MEP1A: variants seen among roughly 807,000 people sequenced by gnomAD.
MEP1A encodes N-benzoyl-L-tyrosyl-P-amino-benzoic acid hydrolase subunit alpha.
In MEP1A, 68 loss-of-function variants were observed where a neutral mutation model predicts 84.5. The observed-to-expected ratio is 0.80, with a 90% CI of 0.66 to 0.98. The LOEUF (loss-of-function observed/expected upper bound fraction) is 0.98, where lower values mean the gene tolerates loss of function less well. Among genes scored for constraint, MEP1A ranks in the 50% least tolerant of loss-of-function variants. The pLI, the probability that MEP1A is intolerant of heterozygous loss-of-function variation, is 0.00. For synonymous variants in MEP1A, 337 were observed against 336.8 expected, an observed-to-expected ratio of 1.00 and a Z score of -0.01; for missense variants, 887 against 919.9, an observed-to-expected ratio of 0.96 and a Z score of 0.46.
At position 46,839,080 on chromosome 6, in the gene MEP1A, G is replaced by T. The variant is rs773914095; in HGVS notation, c.2185G>T (p.Val729Leu). 5 of 1,613,508 alleles carry T rather than the reference G, an allele frequency of 3.1e-6. No individual in the cohort carries two copies. The Admixed American group carries it at 6.7e-5, about 22-fold the overall frequency. The change falls in exon 14 of 14, where the codon GTG becomes TTG. Residue 729 changes from valine (V) to leucine (L), a missense_variant. Coordinates refer to ENST00000230588, the MANE Select transcript of MEP1A (RefSeq NM_005588.3). ...LGMVIGGTAGVIFLTFSIIAI... is the reference protein window; with the variant it reads ...LGMVIGGTAGLIFLTFSIIAI... ...CATGGTGATCGGAGGCACGGCTGGC[G>T]TGATCTTCTTGACCTTCTCCATCAT...
At position 46,833,159 on chromosome 6, in the gene MEP1A, C is replaced by A; in HGVS notation, c.1230C>A (p.Gly410=). The A allele has an allele frequency of 1.3e-6, 2 of 1,589,754 alleles. No homozygotes were observed. Among genetic ancestry groups the A allele is most frequent in the Non-Finnish European group, 1.7e-6 (2 of 1,170,944 alleles). Residue 410 remains glycine, a synonymous_variant, in exon 11 of 14, where the codon GGC becomes GGA. Coordinates refer to ENST00000230588, the MANE Select transcript of MEP1A (RefSeq NM_005588.3). ...KFRYLFQGTK[G]DPQNSTGGIY... ...GCTACCTTTTCCAGGGCACAAAAGGCGACCCTCAGAACTCAACTGGGGGAA... is the reference window on the plus strand; with the variant it reads ...GCTACCTTTTCCAGGGCACAAAAGGAGACCCTCAGAACTCAACTGGGGGAA...
At chr6:46,844,345 G>T (rs922601097), downstream of MEP1A, among the ~76,000 whole-genome samples, 2 of 152,146 alleles carry the variant, frequency 1.3e-5, no homozygotes, top group African/African-American at 4.8e-5. Context: ...ATGTGTGTGT[G>T]TGTGTATGTG....
Position 46,839,174 on chromosome 6 carries a change from C to T in MEP1A, c.*38C>T, listed in dbSNP as rs1768282915. The stretch of plus-strand genomic sequence containing the variant: ...CATTGGCCAGACCACAGCAGCACCT[C>T]CTCCATGCAGGCCTTAACTTTCCCA... On this transcript the variant is annotated 3_prime_UTR_variant, in exon 14 of 14. Coordinates refer to ENST00000230588, the MANE Select transcript of MEP1A (RefSeq NM_005588.3). 1 of 1,590,258 alleles carries T rather than the reference C, an allele frequency of 6.3e-7. No homozygotes were observed. Among genetic ancestry groups the T allele is most frequent in the Non-Finnish European group, 8.6e-7 (1 of 1,165,518 alleles).
rs146905531 is a variant in MEP1A at position 46,794,142 on chromosome 6, T to C, written c.145+426T>C. Among the ~76,000 whole-genome samples, 484 of 152,082 alleles carry C rather than the reference T, an allele frequency of 3.2e-3. 1 individual carries two copies. The highest frequency in any genetic ancestry group is 0.011 in the African/African-American group (468 of 41,470). On this transcript the variant is annotated intron_variant, in intron 3 of 13. Transcript: ENST00000230588. ...CAACTCCTCGGTTGAGACTTAGGGG[T>C]GAGTGTAAAGCAATCTCCACTTAGA...
intron 6 of MEP1A, among the ~76,000 whole-genome samples, chr6:46,812,575 C>T (rs1767531255): frequency 6.6e-6 from 1 of 151,950 alleles, no homozygotes; most frequent in African/African-American, 2.4e-5. Flanking sequence ...TCTATTTGTG[C>T]TCTTTCAGAC....
chr6:46,826,984 T>C (rs1202443295), intron 9 of MEP1A, among the ~76,000 whole-genome samples: 1 of 152,204 alleles, frequency 6.6e-6, no homozygotes, highest in Non-Finnish European at 1.5e-5. Flanking sequence ...GTAATCAAAA[T>C]AAAAGTTATT....
chr6:46,805,469 CT>C (rs1472279279), intron 5 of MEP1A, among the ~76,000 whole-genome samples: 16 of 151,832 alleles, frequency 1.1e-4, no homozygotes, highest in African/African-American at 3.9e-4. Context: ...AAAATATCTG[CT>C]CTGTTAACCC....
At chr6:46,818,560 T>TGG (rs1562111054) in intron 6 of MEP1A, among the ~76,000 whole-genome samples, 1 of 152,060 alleles carries the variant, frequency 6.6e-6, no homozygotes. Flanking sequence ...AAAAAATAAT[T>TGG]GGGGGGAGAA....
intron 6 of MEP1A, among the ~76,000 whole-genome samples, chr6:46,818,704 G>A (rs2150749286): frequency 6.6e-6 from 1 of 152,312 alleles, no homozygotes; most frequent in Admixed American, 6.5e-5. Flanking sequence ...AGCCTTCTCT[G>A]TGCTGTCATA....
downstream of MEP1A, among the ~76,000 whole-genome samples, chr6:46,840,565 A>C (rs1389230813): frequency 1.3e-5 from 2 of 152,188 alleles, no homozygotes; most frequent in African/African-American, 2.4e-5. Flanking sequence ...GAAGCCAAGC[A>C]TCCTGGCTGC....
downstream of MEP1A, among the ~76,000 whole-genome samples, chr6:46,842,766 G>A (rs1768356364): frequency 1.3e-5 from 2 of 152,114 alleles, no homozygotes; most frequent in African/African-American, 4.8e-5. Flanking sequence ...AAAACTTGCT[G>A]GTTTTGCAGC....
chr6:46,836,739 C>G (rs115759360), intron 13 of MEP1A, among the ~76,000 whole-genome samples: 166 of 151,528 alleles, frequency 1.1e-3, no homozygotes, highest in Admixed American at 3.5e-3. Context: ...GACAATTCCT[C>G]AGTTCTTTCT....
At chr6:46,810,300 T>G (rs1252867507) in intron 6 of MEP1A, among the ~76,000 whole-genome samples, 1 of 152,112 alleles carries the variant, frequency 6.6e-6, no homozygotes, top group Non-Finnish European at 1.5e-5. Context: ...CTTAGCCCAA[T>G]TTTTGATGGG....
At chr6:46,794,192 TG>T (rs1217449821) in intron 3 of MEP1A, among the ~76,000 whole-genome samples, 1 of 152,160 alleles carries the variant, frequency 6.6e-6, no homozygotes, top group Non-Finnish European at 1.5e-5. Context: ...ATATATTTCT[TG>T]AAGAAATTCA....
intron 3 of MEP1A, among the ~76,000 whole-genome samples, 168 bp from the exon 4 acceptor site, chr6:46,798,438 G>C (rs1325282690): frequency 6.6e-6 from 1 of 152,104 alleles, no homozygotes; most frequent in East Asian, 1.9e-4. Context: ...ATACTCATCG[G>C]CCATTCACAT....
At chr6:46,807,795 GA>G (rs1395533531) in intron 5 of MEP1A, among the ~76,000 whole-genome samples, 10 of 141,898 alleles carry the variant, frequency 7.0e-5, no homozygotes, top group African/African-American at 2.3e-4. Context: ...AAGAAAGAAA[GA>G]AAGAAAGAAA....
intron 5 of MEP1A, among the ~76,000 whole-genome samples, chr6:46,801,807 G>A (rs927006738): frequency 6.6e-6 from 1 of 151,932 alleles, no homozygotes; most frequent in Admixed American, 6.6e-5. Flanking sequence ...GAGACTGATT[G>A]GTTGGTATTT....
intron 11 of MEP1A, among the ~76,000 whole-genome samples, chr6:46,834,015 C>T (rs1309672566): frequency 7.4e-5 from 11 of 149,046 alleles, no homozygotes; most frequent in Middle Eastern, 6.4e-3. Flanking sequence ...CTCCCTCTGT[C>T]GCCCAGGCTG....
intron 11 of MEP1A, among the ~76,000 whole-genome samples, chr6:46,834,266 G>T (rs1177874457): frequency 1.3e-5 from 2 of 151,418 alleles, no homozygotes; most frequent in South Asian, 2.1e-4. Context: ...AGCCTTAGAA[G>T]AAAGAAGCCG....
Sources: allele counts gnomAD v4.1 joint callset (sites outside exome capture counted in the v4.1 genomes callset), GRCh38; gene constraint gnomAD v4.1.1; transcripts MANE v1.5; gene names NCBI Gene and HGNC (gene_info 2026-07-23, HGNC 2026-07-21).